The following STKLD1 variants were observed in gnomAD, a reference collection of about 807,000 sequenced individuals.
STKLD1 encodes the protein serine/threonine kinase like domain containing 1.
Under a neutral mutation model 80.4 loss-of-function variants are expected in STKLD1, and 79 were observed. That is an observed-to-expected ratio of 0.98 (90% CI 0.82 to 1.19). STKLD1 has a LOEUF of 1.19. Ranked by LOEUF, STKLD1 falls within the 50% of genes most tolerant of loss-of-function variation. STKLD1 has a pLI of 0.00. For missense variants in STKLD1, 841 were observed against 856.0 expected, an observed-to-expected ratio of 0.98 and a Z score of 0.22; for synonymous variants, 393 against 357.6, an observed-to-expected ratio of 1.10 and a Z score of -1.12.
chr9:133,379,238 T>A lies in STKLD1; in HGVS notation c.174+116T>A, dbSNP rs937783800. 3.6e-6 allele frequency: 3 copies of A among 833,860 alleles called. No individual in the cohort carries two copies. In the African/African-American group the frequency reaches 5.1e-5, roughly 14 times the overall value. The allele number at this position is 833,860 out of a possible 1,614,324, so 51.7% of individuals were successfully genotyped here. On this transcript the variant is annotated intron_variant, in intron 2 of 17. Transcript: ENST00000371957. The stretch of plus-strand genomic sequence containing the variant: ...CTGATGCGGCAGCTGGATTCCTCGC[T>A]GCTGACACTTGCGGAGACTAATCTG...
intron 7 of STKLD1, among the ~76,000 whole-genome samples, chr9:133,391,906 G>A (rs1276956949): frequency 6.6e-6 from 1 of 151,772 alleles, no homozygotes; most frequent in Admixed American, 6.6e-5. Flanking sequence ...CACTGGCTGC[G>A]TGTACATCAC....
chr9:133,392,684 T>TG lies in STKLD1; in HGVS notation c.584-1606dup, dbSNP rs1838434533. Among the ~76,000 whole-genome samples the TG allele has an allele frequency of 2.7e-3, 331 of 120,776 alleles. 45 individuals are homozygous for TG. The highest frequency in any genetic ancestry group is 0.01 in the African/African-American group (289 of 27,548). The allele number at this position is 120,776 out of a possible 152,430, so 79.2% of individuals were successfully genotyped here. ...ATGGGTGGGTGGGTGAGTGGATGGG[T>TG]GAGTAGGTGAGTGGATGAGTGGATG... is the stretch of plus-strand genomic sequence containing the variant. On this transcript the variant is annotated intron_variant, in intron 7 of 17. Coordinates refer to ENST00000371957, the MANE Select transcript of STKLD1 (RefSeq NM_153710.5).
chr9:133,403,830 T>C lies in STKLD1; in HGVS notation c.1603+2T>C. The C allele has an allele frequency of 6.2e-7, 1 of 1,613,174 alleles. No individual in the cohort carries two copies. The highest frequency in any genetic ancestry group is 8.5e-7 in the Non-Finnish European group (1 of 1,179,818). ...TCTTCTGGCTGCTGTCCCTGCTGGG[T>C]GAGCTGGGTGGGCGCCCTGGGCCCC... is the stretch of plus-strand genomic sequence containing the variant. On this transcript the variant is annotated splice_donor_variant, in intron 15 of 17. Transcript: ENST00000371957. LOFTEE classifies it high-confidence loss of function.
intron 11 of STKLD1, 64 bp from the exon 12 acceptor site, chr9:133,400,349 G>T (rs1554777384): frequency 1.6e-6 from 2 of 1,242,534 alleles, no homozygotes; most frequent in African/African-American, 2.9e-5. Flanking sequence ...GGGGGCCCTG[G>T]TCGGGTCTAT....
rs782650240 is a variant in STKLD1 at position 133,395,663 on chromosome 9, C to T, written c.766C>T (p.Leu256=). Residue 256 remains leucine (L), a synonymous_variant, in exon 9 of 18, where the codon CTG becomes TTG. Coordinates refer to ENST00000371957, the MANE Select transcript of STKLD1 (RefSeq NM_153710.5). ...GAGCCCAGGCAGCCTGAAGGCCGTC[C>T]TGAAGACAATGGAGGAGAAGCAGAT... is the stretch of plus-strand genomic sequence containing the variant. ...RQSPGSLKAV[L]KTMEEKQIPD... is the part of the protein sequence containing the mutation. The T allele has an allele frequency of 6.2e-6, 10 of 1,613,312 alleles. No individual in the cohort carries two copies. Among genetic ancestry groups the T allele is most frequent in the Non-Finnish European group, 6.8e-6 (8 of 1,180,040 alleles).
At chr9:133,397,910 A>G in intron 10 of STKLD1, 62 bp from the exon 11 acceptor site, 4 of 1,428,280 alleles carry the variant, frequency 2.8e-6, no homozygotes, top group Non-Finnish European at 3.9e-6. Context: ...TGGTGCCGAG[A>G]AACAGAGCCC....
At chr9:133,405,198 G>A (rs1838820284) in intron 17 of STKLD1, 54 bp from the exon 18 acceptor site, 2 of 1,537,936 alleles carry the variant, frequency 1.3e-6, no homozygotes, top group South Asian at 1.3e-5. Context: ...TGGGGCTTCT[G>A]GCAAGGGGCA....
At position 133,385,623 on chromosome 9, in the gene STKLD1, C is replaced by T. The variant is rs2130274921; in HGVS notation, c.226C>T (p.Pro76Ser). Reference sequence around the variant, plus strand: ...CTCTGCTCTATCCTGGCAGCTGATGCCACTGCTGAAGCTGCGGCACGCCCA... The same window carrying T: ...CTCTGCTCTATCCTGGCAGCTGATGTCACTGCTGAAGCTGCGGCACGCCCA... ...YASQALEELM[P>S]LLKLRHAHIS... Residue 76 changes from proline (P) to serine (S), a missense_variant, in exon 4 of 18, where the codon CCA (proline) becomes TCA (serine). Physicochemically the swap from Pro to Ser is moderately conservative, Grantham distance 74 (BLOSUM62 -1). Transcript: ENST00000371957. This position sits in a 1 kb window ranked among gnomAD's most constrained non-coding sequence, Gnocchi z 4.9. 12 of 1,613,296 alleles carry T rather than the reference C, an allele frequency of 7.4e-6. No homozygotes were observed. The Admixed American group carries it at 1.8e-4, about 25-fold the overall frequency.
In STKLD1 at chr9:133,404,018, C is replaced by A. The variant is rs201085864; in HGVS notation, c.1702C>A (p.Arg568=). ...DRALLVNNAY[R]GLASLVKVSE... ...AGCCCTGCTGGTGAACAATGCCTAC[C>A]GGGGACTGGCCAGCCTGGTGAAGGT... Residue 568 remains arginine, a synonymous_variant, in exon 16 of 18, where the codon CGG becomes AGG. Coordinates refer to ENST00000371957, the MANE Select transcript of STKLD1 (RefSeq NM_153710.5). The A allele has an allele frequency of 5.6e-6, 9 of 1,610,948 alleles. No individual in the cohort carries two copies. In the East Asian group the frequency reaches 2.0e-4, roughly 36 times the overall value.
chr9:133,389,366 G>T lies in STKLD1; in HGVS notation c.397-160G>T. 1.0e-6 allele frequency: 1 copy of T among 985,342 alleles called. No homozygotes were observed. The highest frequency in any genetic ancestry group is 1.2e-6 in the Non-Finnish European group (1 of 829,922). The allele number at this position is 985,342 out of a possible 1,614,324, so 61.0% of individuals were successfully genotyped here. A position where few individuals can be genotyped will look rare whatever the true frequency, so the allele number is the denominator to read the frequency against. On this transcript the variant is annotated intron_variant, in intron 5 of 17. Coordinates refer to ENST00000371957, the MANE Select transcript of STKLD1 (RefSeq NM_153710.5). The surrounding 1 kb of genome is among the most constrained non-coding windows in gnomAD (Gnocchi z 6.4). ...GCTTTACCATCTGGAGAGCCACCAC[G>T]CTGAAGCCTCCTCCACCCTGAGCGC...
At chr9:133,403,548 C>A in intron 14 of STKLD1, 152 bp from the exon 15 acceptor site, 3 of 989,508 alleles carry the variant, frequency 3.0e-6, no homozygotes, top group Non-Finnish European at 4.4e-6. Context: ...CCTGGGCTAA[C>A]CCCTGCACCC....
chr9:133,405,456 T>C lies in STKLD1; in HGVS notation c.*35T>C. ...TGGAACTGACCTTGATCTCCACGTG[T>C]ATAGTTTTCAAGACTGCTCTCCTGC... On this transcript the variant is annotated 3_prime_UTR_variant, in exon 18 of 18. Coordinates refer to ENST00000371957, the MANE Select transcript of STKLD1 (RefSeq NM_153710.5). 1 of 1,560,088 alleles carries C rather than the reference T, an allele frequency of 6.4e-7. No homozygotes were observed. The highest frequency in any genetic ancestry group is 8.6e-7 in the Non-Finnish European group (1 of 1,157,390).
chr9:133,402,486 G>A (rs1159314827), intron 13 of STKLD1, among the ~76,000 whole-genome samples: 1 of 152,218 alleles, frequency 6.6e-6, no homozygotes, highest in Non-Finnish European at 1.5e-5. Context: ...GAGGCACTAG[G>A]AATAGATGTC....
At chr9:133,386,971 C>G (rs1036744821) in intron 4 of STKLD1, among the ~76,000 whole-genome samples, 4 of 152,168 alleles carry the variant, frequency 2.6e-5, no homozygotes, top group Non-Finnish European at 4.4e-5. Flanking sequence ...CTGAGCACCC[C>G]CTAATGCTCT....
rs1056473475 is a variant in STKLD1 at position 133,389,352 on chromosome 9, T to C, written c.397-174T>C. On this transcript the variant is annotated intron_variant, in intron 5 of 17. Coordinates refer to ENST00000371957, the MANE Select transcript of STKLD1 (RefSeq NM_153710.5). This position sits in a 1 kb window ranked among gnomAD's most constrained non-coding sequence, Gnocchi z 6.4. The stretch of plus-strand genomic sequence containing the variant: ...TGGCTGCCGCCGCGGCTTTACCATC[T>C]GGAGAGCCACCACGCTGAAGCCTCC... 15 of 985,204 alleles carry C rather than the reference T, an allele frequency of 1.5e-5. No individual in the cohort carries two copies. Among genetic ancestry groups the C allele is most frequent in the Admixed American group, 1.2e-4 (2 of 16,254 alleles). 61.0% of individuals were successfully genotyped at this position (985,204 alleles called of 1,614,324 possible). A position where few individuals can be genotyped will look rare whatever the true frequency, so the allele number is the denominator to read the frequency against.
chr9:133,380,646 C>CT (rs1285332195), intron 2 of STKLD1, among the ~76,000 whole-genome samples: 1 of 151,970 alleles, frequency 6.6e-6, no homozygotes. Context: ...CAGCGAGACT[C>CT]TGTCTAAATT....
intron 11 of STKLD1, among the ~76,000 whole-genome samples, chr9:133,399,892 AAAG>A (rs1408391877): frequency 0.023 from 3,429 of 150,598 alleles, 128 homozygotes; most frequent in African/African-American, 0.08. Flanking sequence ...AAAAAAAAAA[AAAG>A]AGGGGGGGGT....
At chr9:133,397,326 C>A (rs1242313596) in intron 10 of STKLD1, 32 bp downstream of exon 10, 2 of 1,609,648 alleles carry the variant, frequency 1.2e-6, no homozygotes, top group East Asian at 4.5e-5. Context: ...GGGAGCGTGC[C>A]CTGAAGCTCC....
intron 7 of STKLD1, chr9:133,393,902 G>A (rs955169292): frequency 5.8e-6 from 1 of 172,648 alleles, no homozygotes; most frequent in East Asian, 1.6e-4. Context: ...CAGAGCAACT[G>A]TAACTTTGCC....
Sources: gnomAD v4.1 joint callset for allele counts (sites outside exome capture counted in the v4.1 genomes callset) on GRCh38, gnomAD v4.1.1 for gene constraint, Gnocchi (gnomAD v3.1) non-coding constraint, MANE v1.5 for transcripts, NCBI Gene and HGNC (gene_info 2026-07-23, HGNC 2026-07-21) for gene names.